Variants in TMEM132B observed in about 807,000 individuals in gnomAD.
TMEM132B encodes the protein transmembrane protein 132B.
Under a neutral mutation model 90.8 loss-of-function variants are expected in TMEM132B, and 18 were observed. The ratio of observed to expected loss-of-function variants is 0.20; its 90% CI spans 0.14 to 0.29. TMEM132B has a LOEUF of 0.29. Ranked by LOEUF, TMEM132B falls within the 10% of genes least tolerant of loss-of-function variation. The probability of loss-of-function intolerance (pLI) is 1.00; values close to 1 mark genes in which losing one functional copy is unlikely to be tolerated. For missense variants in TMEM132B, 1,096 were observed against 1,326.8 expected, an observed-to-expected ratio of 0.83 and a Z score of 2.70; for synonymous variants, 504 against 523.3, an observed-to-expected ratio of 0.96 and a Z score of 0.50.
chr12:125,444,640 A>C (rs1341436675), intron 3 of TMEM132B, among the ~76,000 whole-genome samples: 1 of 152,190 alleles, frequency 6.6e-6, no homozygotes, highest in Non-Finnish European at 1.5e-5. Context: ...GCTTCCCAGG[A>C]AGTATCAGTG....
At chr12:125,539,663 C>T (rs1883903235) in intron 4 of TMEM132B, among the ~76,000 whole-genome samples, 1 of 152,218 alleles carries the variant, frequency 6.6e-6, no homozygotes, top group African/African-American at 2.4e-5. Context: ...TAATATTCCC[C>T]TATTATGCTT....
intron 4 of TMEM132B, among the ~76,000 whole-genome samples, chr12:125,555,203 A>C (rs1370767348): frequency 6.6e-6 from 1 of 152,176 alleles, no homozygotes; most frequent in African/African-American, 2.4e-5. Context: ...ATGTTACTTA[A>C]CCATCTTGTG....
chr12:125,265,212 A>G (rs1011504854), intron 1 of TMEM132B, among the ~76,000 whole-genome samples: 1 of 152,224 alleles, frequency 6.6e-6, no homozygotes, highest in African/African-American at 2.4e-5. Context: ...GCATGACTGT[A>G]TGTAGATATA....
chr12:125,210,792 G>T (rs781251101), intron 1 of TMEM132B, among the ~76,000 whole-genome samples: 17 of 152,062 alleles, frequency 1.1e-4, no homozygotes, highest in Non-Finnish European at 1.5e-4. Flanking sequence ...AGTGGATCCT[G>T]TCTTTACAAA....
intron 3 of TMEM132B, among the ~76,000 whole-genome samples, chr12:125,501,648 A>G (rs932799162): frequency 6.6e-6 from 1 of 152,086 alleles, no homozygotes; most frequent in Non-Finnish European, 1.5e-5. Context: ...TTATTTGTTA[A>G]ATTAGGTCCC....
intron 6 of TMEM132B, among the ~76,000 whole-genome samples, chr12:125,648,840 T>A (rs962808998): frequency 1.3e-5 from 2 of 152,130 alleles, no homozygotes; most frequent in African/African-American, 4.8e-5. Context: ...AAATTTAACC[T>A]AAAATTATTG....
At chr12:125,529,997 C>G (rs1883602601) in intron 4 of TMEM132B, among the ~76,000 whole-genome samples, 1 of 152,190 alleles carries the variant, frequency 6.6e-6, no homozygotes, top group Admixed American at 6.5e-5. Flanking sequence ...CCACCACACT[C>G]CAGCCTGGGC....
At chr12:125,542,126 A>T (rs1339820842) in intron 4 of TMEM132B, among the ~76,000 whole-genome samples, 1 of 151,412 alleles carries the variant, frequency 6.6e-6, no homozygotes, top group Admixed American at 6.6e-5. Context: ...GCATAAAATC[A>T]TGTATGAGTT....
At chr12:125,454,720 G>A (rs1881246577) in intron 3 of TMEM132B, among the ~76,000 whole-genome samples, 1 of 152,158 alleles carries the variant, frequency 6.6e-6, no homozygotes, top group African/African-American at 2.4e-5. Context: ...TTCTCCATTT[G>A]TTTGCTTTGC....
At chr12:125,475,301 A>G (rs892600806) in intron 3 of TMEM132B, among the ~76,000 whole-genome samples, 2 of 152,164 alleles carry the variant, frequency 1.3e-5, no homozygotes, top group African/African-American at 2.4e-5. Context: ...AAACTTAGCA[A>G]TATGCATATT....
chr12:125,652,599 T>C lies in TMEM132B; in HGVS notation c.2073T>C (p.Ala691=), dbSNP rs1300451371. 1.9e-6 allele frequency: 3 copies of C among 1,613,560 alleles called. No individual in the cohort carries two copies. The highest frequency in any genetic ancestry group is 2.2e-5 in the East Asian group (1 of 44,856). ...ACAAAAGGGCCATCGTCTCCACAGCTGCTGCCCTGGATGTTCTTCAGTCCC... is the reference window on the plus strand; with the variant it reads ...ACAAAAGGGCCATCGTCTCCACAGCCGCTGCCCTGGATGTTCTTCAGTCCC... ...RADKRAIVST[A]AALDVLQSPQ... is the part of the protein sequence containing the mutation. The change falls in exon 8 of 9, where the codon GCT becomes GCC. Residue 691 remains alanine, a synonymous_variant. Transcript: ENST00000682704.
chr12:125,519,884 C>T (rs764216299), intron 4 of TMEM132B, among the ~76,000 whole-genome samples: 2 of 152,108 alleles, frequency 1.3e-5, no homozygotes, highest in Admixed American at 6.5e-5. Context: ...TCTCAATCTG[C>T]GTGCATATCA....
chr12:125,284,958 G>A (rs1364261983), intron 1 of TMEM132B, among the ~76,000 whole-genome samples: 1 of 152,192 alleles, frequency 6.6e-6, no homozygotes, highest in Non-Finnish European at 1.5e-5. Flanking sequence ...TGTCTTAGAT[G>A]CTGGAGATAT....
chr12:125,199,632 A>G (rs1398230293), intron 1 of TMEM132B, among the ~76,000 whole-genome samples: 3 of 152,186 alleles, frequency 2.0e-5, no homozygotes, highest in South Asian at 2.1e-4. Context: ...GAAGTTTCCA[A>G]TAAGATTTTG....
chr12:125,376,057 T>G (rs1878469916), intron 2 of TMEM132B, among the ~76,000 whole-genome samples: 1 of 152,184 alleles, frequency 6.6e-6, no homozygotes, highest in Admixed American at 6.5e-5. Flanking sequence ...GTGTCCTGGT[T>G]AAGTCAAGGA....
chr12:125,447,173 A>G (rs1881026949), intron 3 of TMEM132B, among the ~76,000 whole-genome samples: 1 of 152,044 alleles, frequency 6.6e-6, no homozygotes, highest in Non-Finnish European at 1.5e-5. Context: ...GTTAATTGGC[A>G]TATGTTGTTT....
intron 2 of TMEM132B, among the ~76,000 whole-genome samples, chr12:125,405,605 C>T (rs574758726): frequency 7.9e-5 from 12 of 152,126 alleles, no homozygotes; most frequent in South Asian, 2.1e-4. Context: ...TGTGCTGTGC[C>T]AGTCAGGTAT....
intron 5 of TMEM132B, among the ~76,000 whole-genome samples, chr12:125,642,825 A>C (rs1372925057): frequency 6.6e-6 from 1 of 152,236 alleles, no homozygotes. Context: ...GTGAGTCTTA[A>C]GTGTCCCATT....
At chr12:125,471,995 A>T (rs60647274) in intron 3 of TMEM132B, among the ~76,000 whole-genome samples, 3,644 of 152,204 alleles carry the variant, frequency 0.024, 156 homozygotes, top group African/African-American at 0.083. Flanking sequence ...TGGTCTTAAT[A>T]CCTGGCAGAG....
Sources: allele counts gnomAD v4.1 joint callset (sites outside exome capture counted in the v4.1 genomes callset), GRCh38; gene constraint gnomAD v4.1.1; transcripts MANE v1.5; gene names NCBI Gene and HGNC (gene_info 2026-07-23, HGNC 2026-07-21).